DUSP16: variants seen among roughly 807,000 people sequenced by gnomAD.
DUSP16 encodes dual specificity phosphatase 16, also known as dual specificity protein phosphatase 16.
DUSP16 carries 21 observed loss-of-function variants against 58.3 expected under a neutral mutation model. That is an observed-to-expected ratio of 0.36 (90% CI 0.26 to 0.52). The LOEUF (loss-of-function observed/expected upper bound fraction) is 0.52, where lower values mean the gene tolerates loss of function less well. DUSP16 is among the 20% of genes least tolerant of loss of function. The probability of loss-of-function intolerance (pLI) is 0.94; values close to 1 mark genes in which losing one functional copy is unlikely to be tolerated. For missense variants in DUSP16, 726 were observed against 819.0 expected (o/e 0.89, Z 1.39); for synonymous variants, 320 against 323.8 (o/e 0.99, Z 0.12).
At chr12:12,553,684 A>C (rs1463055344) in intron 1 of DUSP16, among the ~76,000 whole-genome samples, 1 of 152,070 alleles carries the variant, frequency 6.6e-6, no homozygotes, top group South Asian at 2.1e-4. Context: ...CTGGGACTAC[A>C]GGTGTGCACC....
intron 3 of DUSP16, among the ~76,000 whole-genome samples, chr12:12,508,769 G>A (rs1309720313): frequency 6.6e-6 from 1 of 152,164 alleles, no homozygotes; most frequent in Non-Finnish European, 1.5e-5. Flanking sequence ...TGGGAAATGG[G>A]AAATTCTATC....
chr12:12,551,228 GC>G (rs1477127115), intron 1 of DUSP16, among the ~76,000 whole-genome samples: 1 of 151,810 alleles, frequency 6.6e-6, no homozygotes, highest in Non-Finnish European at 1.5e-5. Flanking sequence ...TGGGCTGCTG[GC>G]CGTGGCTCAC....
intron 1 of DUSP16, among the ~76,000 whole-genome samples, chr12:12,539,185 A>G (rs1055764569): frequency 7.9e-5 from 12 of 152,238 alleles, no homozygotes; most frequent in Admixed American, 2.0e-4. Context: ...ATCTGGTGAC[A>G]CATGTAACAC....
At chr12:12,533,873 T>C (rs1254914807) in intron 1 of DUSP16, among the ~76,000 whole-genome samples, 1 of 152,230 alleles carries the variant, frequency 6.6e-6, no homozygotes, top group Admixed American at 6.5e-5. Flanking sequence ...ATCACTAATA[T>C]CTAAAGATTA....
chr12:12,538,775 G>A (rs1013358615), intron 1 of DUSP16, among the ~76,000 whole-genome samples: 1 of 152,154 alleles, frequency 6.6e-6, no homozygotes, highest in African/African-American at 2.4e-5. Context: ...AGGAACCCTC[G>A]AAGCAAATGC....
intron 1 of DUSP16, among the ~76,000 whole-genome samples, chr12:12,532,948 C>A (rs373725513): frequency 8.3e-3 from 934 of 112,250 alleles, no homozygotes; most frequent in Middle Eastern, 0.018. Context: ...AACTCTGTCT[C>A]AAAAAAAAAA....
At chr12:12,556,726 A>C (rs1280722529) in intron 1 of DUSP16, among the ~76,000 whole-genome samples, 1 of 152,206 alleles carries the variant, frequency 6.6e-6, no homozygotes, top group Non-Finnish European at 1.5e-5. Flanking sequence ...ACATCTTCTA[A>C]ACAATAACAA....
At chr12:12,495,515 T>C (rs982592741) in intron 4 of DUSP16, among the ~76,000 whole-genome samples, 4 of 152,240 alleles carry the variant, frequency 2.6e-5, no homozygotes, top group African/African-American at 9.6e-5. Context: ...ACTTTCTCTC[T>C]CCTAACCCTG....
intron 1 of DUSP16, among the ~76,000 whole-genome samples, 158 bp downstream of exon 1, chr12:12,561,959 G>A (rs1405364894): frequency 6.7e-6 from 1 of 150,328 alleles, no homozygotes; most frequent in Non-Finnish European, 1.5e-5. Context: ...AGGGTGGCCG[G>A]TACGCCCGGG....
chr12:12,495,236 C>CAAAAA (rs10555943), intron 4 of DUSP16, among the ~76,000 whole-genome samples: 4 of 98,950 alleles, frequency 4.0e-5, no homozygotes, highest in Non-Finnish European at 8.2e-5. Context: ...AAAGCCATTA[C>CAAAAA]AAAAAAAAAA....
chr12:12,508,325 A>G (rs1592182747), intron 3 of DUSP16, among the ~76,000 whole-genome samples: 1 of 152,176 alleles, frequency 6.6e-6, no homozygotes, highest in Non-Finnish European at 1.5e-5. Flanking sequence ...AGTTGAAGAA[A>G]AGAAAAGAAA....
intron 1 of DUSP16, chr12:12,561,051 G>A (rs1485016782): frequency 6.6e-6 from 1 of 150,910 alleles, no homozygotes; most frequent in African/African-American, 2.4e-5. Flanking sequence ...TGAAAGAGCA[G>A]AGTATTTACT....
chr12:12,532,974 G>T (rs1403097774), intron 1 of DUSP16, among the ~76,000 whole-genome samples: 1 of 149,750 alleles, frequency 6.7e-6, no homozygotes, highest in African/African-American at 2.5e-5. Context: ...CAAAGAAGAT[G>T]AACAAATGTA....
intron 3 of DUSP16, among the ~76,000 whole-genome samples, chr12:12,503,578 C>A (rs1341519357): frequency 1.3e-5 from 2 of 152,044 alleles, no homozygotes; most frequent in African/African-American, 4.8e-5. Context: ...GCTACACCTC[C>A]TTAGTATTCA....
chr12:12,547,262 C>T, intron 1 of DUSP16, among the ~76,000 whole-genome samples: 1 of 151,844 alleles, frequency 6.6e-6, no homozygotes, highest in Admixed American at 6.6e-5. Flanking sequence ...AACCCCGTCT[C>T]TACCAAAAAT....
intron 1 of DUSP16, among the ~76,000 whole-genome samples, chr12:12,554,196 C>CA (rs59499569): frequency 0.12 from 7,629 of 65,600 alleles, 643 homozygotes; most frequent in Non-Finnish European, 0.14. Flanking sequence ...AACTGGGTCT[C>CA]AAAAAAAAAA....
chr12:12,539,833 T>C (rs1287449743), intron 1 of DUSP16, among the ~76,000 whole-genome samples: 3 of 151,034 alleles, frequency 2.0e-5, no homozygotes, highest in African/African-American at 7.3e-5. Context: ...GGTGGACCAT[T>C]TGAGGTCAGG....
At chr12:12,487,665 G>A (rs1943705136) in intron 4 of DUSP16, among the ~76,000 whole-genome samples, 1 of 151,930 alleles carries the variant, frequency 6.6e-6, no homozygotes, top group Non-Finnish European at 1.5e-5. Context: ...CTGATGGCGT[G>A]TGTGTGTGTG....
chr12:12,484,924 T>C (rs1565980008), intron 5 of DUSP16, among the ~76,000 whole-genome samples: 1 of 151,952 alleles, frequency 6.6e-6, no homozygotes. Context: ...TTGTTATTTT[T>C]TAAAGAGACA....
Sources: gnomAD v4.1 joint callset for allele counts (sites outside exome capture counted in the v4.1 genomes callset) on GRCh38, gnomAD v4.1.1 for gene constraint, MANE v1.5 for transcripts, NCBI Gene and HGNC (gene_info 2026-07-23, HGNC 2026-07-21) for gene names.